SLC35F3: variants seen among roughly 807,000 people sequenced by gnomAD.
The protein encoded by SLC35F3 is putative thiamine transporter SLC35F3.
A neutral mutation model predicts 49.9 loss-of-function variants in SLC35F3; 25 were observed. The observed-to-expected ratio is 0.50, with a 90% CI of 0.37 to 0.70. SLC35F3 has a LOEUF of 0.70. Among genes scored for constraint, SLC35F3 ranks in the 30% least tolerant of loss-of-function variants. SLC35F3 has a pLI of 0.00. For synonymous variants in SLC35F3, 275 were observed against 265.4 expected, an observed-to-expected ratio of 1.04 and a Z score of -0.35; for missense variants, 525 against 639.8, an observed-to-expected ratio of 0.82 and a Z score of 1.94.
chr1:233,931,619 C>A (rs1408215052), intron 2 of SLC35F3, among the ~76,000 whole-genome samples: 1 of 152,116 alleles, frequency 6.6e-6, no homozygotes, highest in Admixed American at 6.5e-5. Context: ...GTTAGAATGG[C>A]GGTCATTAAA....
Position 234,214,469 on chromosome 1 carries a change from G to C in SLC35F3, c.284-16948G>C. The C allele has an allele frequency of 6.6e-7, 1 of 1,518,190 alleles. No individual in the cohort carries two copies. Among genetic ancestry groups the C allele is most frequent in the Non-Finnish European group, 8.8e-7 (1 of 1,133,418 alleles). 94.0% of individuals were successfully genotyped at this position (1,518,190 alleles called of 1,614,324 possible). A position where few individuals can be genotyped will look rare whatever the true frequency, so the allele number is the denominator to read the frequency against. The stretch of plus-strand genomic sequence containing the variant: ...CGGCCCCAGGATGTAGGCGATCGGC[G>C]GCAGCGCTCCTGCAGGCGGCCGGCT... On this transcript the variant is annotated intron_variant, in intron 2 of 7. Transcript: ENST00000366618. This position sits in a 1 kb window ranked among gnomAD's most constrained non-coding sequence, Gnocchi z 8.0.
chr1:234,191,022 A>G (rs1267049542), intron 2 of SLC35F3, among the ~76,000 whole-genome samples: 1 of 152,214 alleles, frequency 6.6e-6, no homozygotes, highest in African/African-American at 2.4e-5. Flanking sequence ...AGCCCTTCTT[A>G]TATATTAGGT....
intron 2 of SLC35F3, among the ~76,000 whole-genome samples, chr1:233,961,794 G>A (rs1254502863): frequency 1.3e-5 from 2 of 152,154 alleles, no homozygotes; most frequent in Non-Finnish European, 2.9e-5. Context: ...TGTCTGTCAG[G>A]TCGTAGCTCT....
intron 2 of SLC35F3, among the ~76,000 whole-genome samples, chr1:233,941,071 G>T (rs35767730): frequency 6.6e-6 from 1 of 152,240 alleles, no homozygotes; most frequent in African/African-American, 2.4e-5. Flanking sequence ...TGCATTTAGT[G>T]TAGGCAGTTG....
intron 3 of SLC35F3, among the ~76,000 whole-genome samples, chr1:234,248,009 C>T (rs866892759): frequency 3.5e-3 from 526 of 151,068 alleles, no homozygotes; most frequent in Middle Eastern, 0.03. Flanking sequence ...GTTCGTTGTT[C>T]GGTGGGTTGA....
intron 2 of SLC35F3, among the ~76,000 whole-genome samples, chr1:234,190,869 A>G (rs867645228): frequency 1.8e-4 from 27 of 152,214 alleles, no homozygotes; most frequent in African/African-American, 6.5e-4. Flanking sequence ...AGACTGAACA[A>G]AGGGATGAAC....
intron 2 of SLC35F3, among the ~76,000 whole-genome samples, chr1:233,973,398 G>T (rs1027734124): frequency 6.6e-6 from 1 of 152,184 alleles, no homozygotes; most frequent in African/African-American, 2.4e-5. Context: ...CAGTAATCCC[G>T]CAATCTTGAA....
chr1:234,224,440 G>A (rs894568361), intron 2 of SLC35F3, among the ~76,000 whole-genome samples: 15 of 152,298 alleles, frequency 9.8e-5, no homozygotes, highest in African/African-American at 3.1e-4. Flanking sequence ...GCTTCAACAC[G>A]TGAATTTGGG....
At chr1:234,291,262 AC>A (rs1341939140) in intron 3 of SLC35F3, among the ~76,000 whole-genome samples, 1 of 152,222 alleles carries the variant, frequency 6.6e-6, no homozygotes, top group African/African-American at 2.4e-5. Context: ...CATTAGGGGA[AC>A]TTGTTAAAAT....
At chr1:234,166,934 G>A (rs967088313) in intron 2 of SLC35F3, among the ~76,000 whole-genome samples, 4 of 152,170 alleles carry the variant, frequency 2.6e-5, no homozygotes, top group African/African-American at 7.2e-5. Context: ...GTCATTCCAC[G>A]CCCTAAGGGA....
chr1:234,239,112 G>A (rs1028034534), intron 3 of SLC35F3, among the ~76,000 whole-genome samples: 1 of 152,124 alleles, frequency 6.6e-6, no homozygotes, highest in Non-Finnish European at 1.5e-5. Context: ...CAAGGGATTT[G>A]GTAACATTTT....
chr1:234,197,370 G>T (rs1393777301), intron 2 of SLC35F3, among the ~76,000 whole-genome samples: 2 of 152,216 alleles, frequency 1.3e-5, no homozygotes, highest in African/African-American at 2.4e-5. Context: ...AACTCTATTA[G>T]TGTTTGTTCA....
chr1:234,143,288 C>CTTTTTTTT (rs1352256091), intron 2 of SLC35F3, among the ~76,000 whole-genome samples: 16 of 123,528 alleles, frequency 1.3e-4, no homozygotes, highest in South Asian at 2.7e-4. Context: ...CTTTTCTTTT[C>CTTTTTTTT]TTTTTTTTTT....
intron 2 of SLC35F3, among the ~76,000 whole-genome samples, chr1:233,921,144 C>A (rs1662051457): frequency 6.6e-6 from 1 of 152,180 alleles, no homozygotes; most frequent in African/African-American, 2.4e-5. Context: ...ATAGAACTCC[C>A]TTAACCAAAG....
chr1:234,184,528 T>C (rs1666606000), intron 2 of SLC35F3, among the ~76,000 whole-genome samples: 1 of 152,218 alleles, frequency 6.6e-6, no homozygotes, highest in Admixed American at 6.5e-5. Flanking sequence ...TGACATTTTG[T>C]CTTTTTTGTC....
At chr1:234,052,781 A>G (rs1041305547) in intron 2 of SLC35F3, among the ~76,000 whole-genome samples, 2 of 152,188 alleles carry the variant, frequency 1.3e-5, no homozygotes, top group African/African-American at 4.8e-5. Context: ...ATTTAGTGCT[A>G]TAAATTTCCC....
intron 2 of SLC35F3, among the ~76,000 whole-genome samples, chr1:233,973,988 G>T (rs867766486): frequency 6.6e-6 from 1 of 151,860 alleles, no homozygotes; most frequent in Non-Finnish European, 1.5e-5. Flanking sequence ...ACTGATTTTT[G>T]ATTATTTCTC....
chr1:234,238,187 TA>T (rs1667503909), intron 3 of SLC35F3, among the ~76,000 whole-genome samples: 1 of 152,220 alleles, frequency 6.6e-6, no homozygotes, highest in Non-Finnish European at 1.5e-5. Context: ...TGGTGGTGAA[TA>T]ATGGCAATTA....
chr1:233,935,662 T>C (rs980270954), intron 2 of SLC35F3, among the ~76,000 whole-genome samples: 1 of 152,202 alleles, frequency 6.6e-6, no homozygotes, highest in African/African-American at 2.4e-5. Context: ...TATGTTGCCT[T>C]GAGAGGCTCT....
Sources: gnomAD v4.1 joint callset for allele counts (sites outside exome capture counted in the v4.1 genomes callset) on GRCh38, gnomAD v4.1.1 for gene constraint, Gnocchi (gnomAD v3.1) non-coding constraint, MANE v1.5 for transcripts, NCBI Gene and HGNC (gene_info 2026-07-23, HGNC 2026-07-21) for gene names.